CRACR2A: variants seen among roughly 807,000 people sequenced by gnomAD.
The protein encoded by CRACR2A is EF-hand calcium-binding domain-containing protein 4B.
Under a neutral mutation model 90.5 loss-of-function variants are expected in CRACR2A, and 79 were observed. The ratio of observed to expected loss-of-function variants is 0.87; its 90% confidence interval spans 0.73 to 1.05. CRACR2A has a LOEUF of 1.05. Among genes scored for constraint, CRACR2A ranks in the 50% least tolerant of loss-of-function variants. The pLI is 0.00. For missense variants in CRACR2A, 823 were observed against 897.2 expected, an observed-to-expected ratio of 0.92 and a Z score of 1.06; for synonymous variants, 338 against 356.7, an observed-to-expected ratio of 0.95 and a Z score of 0.59.
chr12:3,646,564 T>G (rs1047850452), intron 11 of CRACR2A, among the ~76,000 whole-genome samples: 4 of 152,188 alleles, frequency 2.6e-5, no homozygotes, highest in African/African-American at 9.6e-5. Flanking sequence ...TGTTTTCAGT[T>G]ACCTGCATGA....
intron 13 of CRACR2A, chr12:3,640,368 A>G (rs1189856149): frequency 2.8e-5 from 15 of 530,720 alleles, no homozygotes; most frequent in African/African-American, 2.0e-4. Flanking sequence ...GACCTCACAC[A>G]TAGTAGACAC....
intron 3 of CRACR2A, among the ~76,000 whole-genome samples, chr12:3,710,343 T>TATAATATAATATAATATAATAATAATATA (rs1310898654): frequency 6.6e-6 from 1 of 152,138 alleles, no homozygotes; most frequent in East Asian, 1.9e-4. Context: ...TATAACAAAA[T>TATAATATAATATAATATAATAATAATATA]ACCATAGACT....
At chr12:3,722,679 T>G (rs566208996) in intron 2 of CRACR2A, among the ~76,000 whole-genome samples, 10 of 152,180 alleles carry the variant, frequency 6.6e-5, no homozygotes, top group Non-Finnish European at 1.2e-4. Flanking sequence ...CTTATTAGAA[T>G]AGCTACCAGA....
intron 4 of CRACR2A, among the ~76,000 whole-genome samples, chr12:3,695,287 G>T (rs11062765): frequency 0.026 from 3,897 of 152,318 alleles, 90 homozygotes; most frequent in Middle Eastern, 0.075. Flanking sequence ...ACAGACAGGG[G>T]TTTGTCAAAG....
intron 1 of CRACR2A, among the ~76,000 whole-genome samples, chr12:3,745,788 A>C (rs188653215): frequency 0.038 from 277 of 7,248 alleles, 4 homozygotes; most frequent in Middle Eastern, 0.12. Context: ...CAAAAAATAA[A>C]ATAAAATAAA....
At chr12:3,618,059 A>G (rs1326929191) in intron 18 of CRACR2A, among the ~76,000 whole-genome samples, 1 of 152,044 alleles carries the variant, frequency 6.6e-6, no homozygotes, top group African/African-American at 2.4e-5. Context: ...AGGACTTAGA[A>G]CTGGAAGACA....
chr12:3,629,857 G>T (rs969140958), intron 15 of CRACR2A, among the ~76,000 whole-genome samples: 1 of 150,014 alleles, frequency 6.7e-6, no homozygotes, highest in Non-Finnish European at 1.5e-5. Flanking sequence ...AAGGGGGGGG[G>T]GGGATGAAGA....
At chr12:3,623,897 C>G (rs1944204473) in intron 17 of CRACR2A, among the ~76,000 whole-genome samples, 1 of 152,206 alleles carries the variant, frequency 6.6e-6, no homozygotes, top group South Asian at 2.1e-4. Context: ...AAGGACCCTC[C>G]AGAATCTCCT....
chr12:3,679,557 C>T (rs1945408532), intron 5 of CRACR2A, among the ~76,000 whole-genome samples: 1 of 152,226 alleles, frequency 6.6e-6, no homozygotes, highest in South Asian at 2.1e-4. Context: ...CCTCCATACT[C>T]ATACTGTCCA....
chr12:3,642,445 C>T (rs1029617543), intron 12 of CRACR2A, among the ~76,000 whole-genome samples: 1 of 152,072 alleles, frequency 6.6e-6, no homozygotes, highest in Admixed American at 6.5e-5. Flanking sequence ...GAATTCTTGG[C>T]CTTAAGTGAT....
At chr12:3,643,798 A>T (rs1944620240) in intron 12 of CRACR2A, among the ~76,000 whole-genome samples, 1 of 108,750 alleles carries the variant, frequency 9.2e-6, no homozygotes. Flanking sequence ...TATTTATATA[A>T]TATATATTAT....
At chr12:3,636,937 C>T (rs1944464173) in intron 14 of CRACR2A, among the ~76,000 whole-genome samples, 1 of 152,222 alleles carries the variant, frequency 6.6e-6, no homozygotes. Context: ...ATGGCTGCCG[C>T]GGCGTGCAGG....
In CRACR2A at chr12:3,654,332, T is replaced by G. The variant is rs779757563; in HGVS notation, c.926A>C (p.Lys309Thr). Reference protein sequence around the residue: ...HETKAENTKLKLTNQELAREL... With the variant: ...HETKAENTKLTLTNQELAREL... ...CCGGGCCAGCTCCTGGTTAGTGAGT[T>G]TCAGCTTGGTATTCTCAGCCTTGGT... The change falls in exon 10 of 20, where the codon AAA (lysine) becomes ACA (threonine). Residue 309 changes from lysine to threonine, a missense_variant. Lys to Thr is a moderately conservative substitution (Grantham distance 78, BLOSUM62 -1). Coordinates refer to ENST00000440314, the MANE Select transcript of CRACR2A (RefSeq NM_001144958.2). The G allele has an allele frequency of 6.2e-7, 1 of 1,614,006 alleles. No individual in the cohort carries two copies. The highest frequency in any genetic ancestry group is 8.5e-7 in the Non-Finnish European group (1 of 1,179,958).
At chr12:3,647,699 A>G (rs1263675627) in intron 11 of CRACR2A, among the ~76,000 whole-genome samples, 1 of 152,198 alleles carries the variant, frequency 6.6e-6, no homozygotes, top group Non-Finnish European at 1.5e-5. Flanking sequence ...AGCATCATAG[A>G]TGCCAGACAC....
intron 15 of CRACR2A, among the ~76,000 whole-genome samples, chr12:3,629,822 G>GT (rs761663545): frequency 7.1e-6 from 1 of 140,454 alleles, no homozygotes; most frequent in East Asian, 2.3e-4. Flanking sequence ...TTGGGGGCTG[G>GT]GTGTGAAGGA....
At chr12:3,654,571 CT>C (rs1448139807) in intron 9 of CRACR2A, among the ~76,000 whole-genome samples, 172 bp from the exon 10 acceptor site, 2 of 152,196 alleles carry the variant, frequency 1.3e-5, no homozygotes, top group Non-Finnish European at 2.9e-5. Flanking sequence ...CACGTACACA[CT>C]CCTCTAGGCA....
chr12:3,629,814 G>T (rs1944346177), intron 15 of CRACR2A, among the ~76,000 whole-genome samples: 1 of 144,708 alleles, frequency 6.9e-6, no homozygotes, highest in Non-Finnish European at 1.5e-5. Context: ...ACAGGCTCTT[G>T]GGGGCTGGGT....
Position 3,647,880 on chromosome 12 carries a change from A to G in CRACR2A, c.1118+662T>C, listed in dbSNP as rs979209394. ...TTAGAAACTTCATGGGCAACATCAAAAATTCCATCTTTCCCCACACGGGTT... is the reference window on the plus strand; with the variant it reads ...TTAGAAACTTCATGGGCAACATCAAGAATTCCATCTTTCCCCACACGGGTT... On this transcript the variant is annotated intron_variant, in intron 11 of 19. Transcript: ENST00000440314. 3.0e-6 allele frequency: 3 copies of G among 985,324 alleles called. No homozygotes were observed. The African/African-American group carries it at 5.2e-5, about 17-fold the overall frequency. 61.0% of individuals were successfully genotyped at this position (985,324 alleles called of 1,614,324 possible). A position where few individuals can be genotyped will look rare whatever the true frequency, so the allele number is the denominator to read the frequency against.
intron 4 of CRACR2A, among the ~76,000 whole-genome samples, chr12:3,685,474 G>C (rs185160614): frequency 1.2e-4 from 18 of 152,218 alleles, no homozygotes; most frequent in African/African-American, 4.3e-4. Context: ...GCCAACAGGC[G>C]GAAGCTACCC....
Sources: gnomAD v4.1 joint callset for allele counts (sites outside exome capture counted in the v4.1 genomes callset) on GRCh38, gnomAD v4.1.1 for gene constraint, MANE v1.5 for transcripts, NCBI Gene and HGNC (gene_info 2026-07-23, HGNC 2026-07-21) for gene names.